APOBEC4: variants seen among roughly 807,000 people sequenced by gnomAD.
APOBEC4 encodes putative deaminase APOBEC-4.
For missense variants in APOBEC4, 375 were observed against 441.2 expected (o/e 0.85, Z 1.34); for synonymous variants, 141 against 154.2 (o/e 0.91, Z 0.63).
At position 183,648,016 on chromosome 1, in the gene APOBEC4, C is replaced by T; in HGVS notation, c.766G>A (p.Glu256Lys). The change falls in exon 2 of 2, where the codon GAG becomes AAG. Residue 256 changes from glutamate to lysine, a missense_variant. By Grantham distance (56) the Glu-to-Lys change is moderately conservative. Coordinates refer to ENST00000308641, the MANE Select transcript of APOBEC4 (RefSeq NM_203454.3). ...TTTAAGGGGTAGCTCTCTAAAGCCT[C>T]CTGAGCTTTTGTGTTTGGATTCCTT... ...TKRNPNTKAQ[E>K]ALESYPLNNA... is the part of the protein sequence containing the mutation. 1 of 1,614,182 alleles carries T rather than the reference C, an allele frequency of 6.2e-7. No homozygotes were observed. The highest frequency in any genetic ancestry group is 8.5e-7 in the Non-Finnish European group (1 of 1,180,036).
intron 1 of APOBEC4, among the ~76,000 whole-genome samples, chr1:183,650,315 G>T (rs375205213): frequency 6.6e-6 from 1 of 152,138 alleles, no homozygotes; most frequent in South Asian, 2.1e-4. Flanking sequence ...AGGCCAGGGT[G>T]GGCGGATCAT....
Position 183,647,578 on chromosome 1 carries a change from C to G in APOBEC4, c.*100G>C. ...GTTTGCTTTTAGTGCATCAGTTTAT[C>G]TCCATCTTGGCTCAGCCCTGAGAGA... On this transcript the variant is annotated 3_prime_UTR_variant, in exon 2 of 2. Transcript: ENST00000308641. 2.0e-6 allele frequency: 3 copies of G among 1,474,242 alleles called. No individual in the cohort carries two copies. The highest frequency in any genetic ancestry group is 2.7e-6 in the Non-Finnish European group (3 of 1,116,208). The allele number at this position is 1,474,242 out of a possible 1,614,324, so 91.3% of individuals were successfully genotyped here.
At position 183,647,552 on chromosome 1, in the gene APOBEC4, G is replaced by A. The variant is rs1174656; in HGVS notation, c.*126C>T. ...ATAGTTGATATGGTAAATAATTCAA[G>A]GTTTGCTTTTAGTGCATCAGTTTAT... On this transcript the variant is annotated 3_prime_UTR_variant, in exon 2 of 2. Transcript: ENST00000308641. 479,025 of 1,382,622 alleles carry A rather than the reference G, an allele frequency of 0.35. 86,299 individuals are homozygous for A. The highest frequency in any genetic ancestry group is 0.37 in the Non-Finnish European group (392,098 of 1,046,764). The allele number at this position is 1,382,622 out of a possible 1,614,324, so 85.6% of individuals were successfully genotyped here.
chr1:183,646,465 A>G lies in APOBEC4; in HGVS notation c.*1213T>C, dbSNP rs1163211081. The G allele has an allele frequency of 6.6e-6, 1 of 152,090 alleles. No homozygotes were observed. Among genetic ancestry groups the G allele is most frequent in the East Asian group, 1.9e-4 (1 of 5,202 alleles). The allele number at this position is 152,090 out of a possible 1,614,324, so 9.4% of individuals were successfully genotyped here. On this transcript the variant is annotated 3_prime_UTR_variant, in exon 2 of 2. Transcript: ENST00000308641. ...AAAATTAATAGCAAGTTACGAGAAA[A>G]TGTACATTTTTCTTGTAATGTATCT... is the stretch of plus-strand genomic sequence containing the variant.
Position 183,647,807 on chromosome 1 carries a change from C to T in APOBEC4, c.975G>A (p.Met325Ile), listed in dbSNP as rs576075334. ...NIVRHLNMPQMSFQETKDLGR... is the reference protein window; with the variant it reads ...NIVRHLNMPQISFQETKDLGR... Reference sequence around the variant, plus strand: ...CAAGGTCCTTGGTTTCCTGGAATGACATTTGAGGCATATTTAAGTGCCTTA... The same window carrying T: ...CAAGGTCCTTGGTTTCCTGGAATGATATTTGAGGCATATTTAAGTGCCTTA... The change falls in exon 2 of 2, where the codon ATG (methionine) becomes ATA (isoleucine). Residue 325 changes from methionine to isoleucine, a missense_variant. Transcript: ENST00000308641. The T allele has an allele frequency of 3.1e-6, 5 of 1,614,030 alleles. No homozygotes were observed. The highest frequency in any genetic ancestry group is 1.3e-5 in the African/African-American group (1 of 74,898).
intron 1 of APOBEC4, among the ~76,000 whole-genome samples, chr1:183,649,211 G>T (rs1301862772): frequency 6.6e-6 from 1 of 152,188 alleles, no homozygotes; most frequent in Non-Finnish European, 1.5e-5. Flanking sequence ...TACCTGATAA[G>T]ATTGTCTTGA....
At position 183,647,910 on chromosome 1, in the gene APOBEC4, A is replaced by G. The variant is rs138792502; in HGVS notation, c.872T>C (p.Val291Ala). 2 of 1,614,188 alleles carry G rather than the reference A, an allele frequency of 1.2e-6. No homozygotes were observed. Among genetic ancestry groups the G allele is most frequent in the South Asian group, 2.2e-5 (2 of 91,086 alleles). Reference sequence around the variant, plus strand: ...CCTGAGAGGCACTAGCACAAAAACAACAGGAGCCCTGAGGTCTGGAGGTAG... The same window carrying G: ...CCTGAGAGGCACTAGCACAAAAACAGCAGGAGCCCTGAGGTCTGGAGGTAG... Reference protein sequence around the residue: ...PNLPPDLRAPVVFVLVPLRDL... With the variant: ...PNLPPDLRAPAVFVLVPLRDL... The change falls in exon 2 of 2, where the codon GTT becomes GCT. Residue 291 changes from valine to alanine, a missense_variant. Coordinates refer to ENST00000308641, the MANE Select transcript of APOBEC4 (RefSeq NM_203454.3).
intron 1 of APOBEC4, among the ~76,000 whole-genome samples, chr1:183,651,371 G>A (rs944119892): frequency 3.3e-5 from 5 of 151,962 alleles, no homozygotes; most frequent in African/African-American, 1.2e-4. Context: ...GAATACTTGT[G>A]CTAATAAATA....
At chr1:183,651,686 GAC>G (rs1650764971) in intron 1 of APOBEC4, among the ~76,000 whole-genome samples, 1 of 152,222 alleles carries the variant, frequency 6.6e-6, no homozygotes, top group African/African-American at 2.4e-5. Flanking sequence ...CATAGGATTG[GAC>G]ATTAGCTTTG....
intron 1 of APOBEC4, among the ~76,000 whole-genome samples, chr1:183,650,418 C>CT (rs1650647093): frequency 6.6e-6 from 1 of 152,058 alleles, no homozygotes; most frequent in African/African-American, 2.4e-5. Flanking sequence ...TGGCATGCGC[C>CT]TGTAGTCCCA....
Position 183,647,986 on chromosome 1 carries a change from C to T in APOBEC4, c.796G>A (p.Ala266Thr). The T allele has an allele frequency of 6.2e-7, 1 of 1,614,186 alleles. No individual in the cohort carries two copies. Among genetic ancestry groups the T allele is most frequent in the Non-Finnish European group, 8.5e-7 (1 of 1,180,030 alleles). The change falls in exon 2 of 2, where the codon GCC becomes ACC. Residue 266 changes from alanine to threonine, a missense_variant. By Grantham distance (58) the Ala-to-Thr change is moderately conservative. Transcript: ENST00000308641. ...ATTTGAAAAAACTGTCCAGGAAAGGCATTGTTTAAGGGGTAGCTCTCTAAA... is the reference window on the plus strand; with the variant it reads ...ATTTGAAAAAACTGTCCAGGAAAGGTATTGTTTAAGGGGTAGCTCTCTAAA... ...EALESYPLNN[A>T]FPGQFFQMPS...
At chr1:183,652,435 T>C (rs1227170591) in intron 1 of APOBEC4, among the ~76,000 whole-genome samples, 3 of 152,228 alleles carry the variant, frequency 2.0e-5, no homozygotes, top group Admixed American at 6.5e-5. Context: ...GTTTTCACTT[T>C]TTCAGAGTCT....
At chr1:183,649,560 G>A (rs1342643021) in intron 1 of APOBEC4, among the ~76,000 whole-genome samples, 2 of 152,270 alleles carry the variant, frequency 1.3e-5, no homozygotes, top group Admixed American at 6.5e-5. Flanking sequence ...TCTTAGGAAA[G>A]TGCCACTTGA....
At chr1:183,652,653 C>G (rs1198635699) in intron 1 of APOBEC4, among the ~76,000 whole-genome samples, 1 of 152,242 alleles carries the variant, frequency 6.6e-6, no homozygotes, top group Non-Finnish European at 1.5e-5. Context: ...CCTTAGCAAC[C>G]TTGATTGGCT....
chr1:183,652,134 A>G (rs949113868), intron 1 of APOBEC4, among the ~76,000 whole-genome samples: 1 of 152,214 alleles, frequency 6.6e-6, no homozygotes. Flanking sequence ...GGTGATGTGT[A>G]TGTGGAGTTA....
rs1650321166 is a variant in APOBEC4 at position 183,646,764 on chromosome 1, G to A, written c.*914C>T. Reference sequence around the variant, plus strand: ...TGCAGGATGGTGAAGCAGGCTTTCAGCTGGGATGGAGAAGGGATGCTGAGT... The same window carrying A: ...TGCAGGATGGTGAAGCAGGCTTTCAACTGGGATGGAGAAGGGATGCTGAGT... On this transcript the variant is annotated 3_prime_UTR_variant, in exon 2 of 2. Coordinates refer to ENST00000308641, the MANE Select transcript of APOBEC4 (RefSeq NM_203454.3). 6.6e-6 allele frequency: 1 copy of A among 152,252 alleles called. No individual in the cohort carries two copies. Among genetic ancestry groups the A allele is most frequent in the Non-Finnish European group, 1.5e-5 (1 of 68,050 alleles). The allele number at this position is 152,252 out of a possible 1,614,324, so 9.4% of individuals were successfully genotyped here. A position where few individuals can be genotyped will look rare whatever the true frequency, so the allele number is the denominator to read the frequency against.
chr1:183,648,271 G>A lies in APOBEC4; in HGVS notation c.511C>T (p.Arg171Cys), dbSNP rs1246378805. The A allele has an allele frequency of 1.1e-5, 18 of 1,614,066 alleles. No homozygotes were observed. The highest frequency in any genetic ancestry group is 3.3e-5 in the South Asian group (3 of 91,090). ...CTGGCCAGGCTCCGGAGAGCTTCGC[G>A]GTTCCATGCTGAGGCAGGAAAGTCC... ...EMDFPASAWNREALRSLASLW... is the reference protein window; with the variant it reads ...EMDFPASAWNCEALRSLASLW... Residue 171 changes from arginine (R) to cysteine (C), a missense_variant, in exon 2 of 2, where the codon CGC becomes TGC. Coordinates refer to ENST00000308641, the MANE Select transcript of APOBEC4 (RefSeq NM_203454.3).
In APOBEC4 at chr1:183,648,306, T is replaced by G. The variant is rs1157781616; in HGVS notation, c.476A>C (p.His159Pro). 1.9e-6 allele frequency: 3 copies of G among 1,614,168 alleles called. No individual in the cohort carries two copies. In the South Asian group the frequency reaches 3.3e-5, roughly 18 times the overall value. The change falls in exon 2 of 2, where the codon CAT becomes CCT. Residue 159 changes from histidine (H) to proline (P), a missense_variant. Coordinates refer to ENST00000308641, the MANE Select transcript of APOBEC4 (RefSeq NM_203454.3). The stretch of plus-strand genomic sequence containing the variant: ...TGAGGCAGGAAAGTCCATCTCAGTA[T>G]GATAGAGCTGAGAAAAATAAATACT... Reference protein sequence around the residue: ...TLSIYFSQLYHTEMDFPASAW... With the variant: ...TLSIYFSQLYPTEMDFPASAW...
intron 1 of APOBEC4, among the ~76,000 whole-genome samples, chr1:183,650,492 A>G (rs189195739): frequency 6.6e-5 from 10 of 152,248 alleles, no homozygotes; most frequent in South Asian, 2.1e-4. Flanking sequence ...GCAGTGAGCC[A>G]ACATCCCACC....
Sources: gnomAD v4.1 joint callset for allele counts (sites outside exome capture counted in the v4.1 genomes callset) on GRCh38, gnomAD v4.1.1 for gene constraint, MANE v1.5 for transcripts, NCBI Gene and HGNC (gene_info 2026-07-23, HGNC 2026-07-21) for gene names.